Variants in CDH8 observed in about 807,000 individuals in gnomAD.
CDH8 encodes cadherin 8.
In CDH8, 17 loss-of-function variants were observed where a neutral mutation model predicts 68.1. The observed-to-expected ratio is 0.25, with a 90% CI of 0.17 to 0.37. The LOEUF is 0.37. Ranked by LOEUF, CDH8 falls within the 10% of genes least tolerant of loss-of-function variation. The pLI, the probability that CDH8 is intolerant of heterozygous loss-of-function variation, is 1.00. For missense variants in CDH8, 763 were observed against 999.3 expected, an observed-to-expected ratio of 0.76 and a Z score of 3.19; for synonymous variants, 372 against 365.1, an observed-to-expected ratio of 1.02 and a Z score of -0.21.
chr16:61,736,087 A>C (rs1959670306), intron 8 of CDH8, among the ~76,000 whole-genome samples: 1 of 120,476 alleles, frequency 8.3e-6, no homozygotes, highest in Non-Finnish European at 1.6e-5. Flanking sequence ...CAAATGAAAA[A>C]CAAGAAAGAA....
Position 61,768,367 on chromosome 16 carries a change from TCC to T in CDH8, c.1414+20977_1414+20978del, listed in dbSNP as rs1567461154. On this transcript the variant is annotated intron_variant, in intron 8 of 11. Transcript: ENST00000577390. ...CTCTCTCTCTCTCTCTCTCTCTCTCTCCCTTTCTCTCTCTCTCTCTCTCTCTC... is the reference window on the plus strand; with the variant it reads ...CTCTCTCTCTCTCTCTCTCTCTCTCTCTTTCTCTCTCTCTCTCTCTCTCTC... Among the ~76,000 whole-genome samples the T allele has an allele frequency of 1.9e-3, 157 of 80,610 alleles. 1 individual carries two copies. Among genetic ancestry groups the T allele is most frequent in the Non-Finnish European group, 2.3e-3 (95 of 40,880 alleles). 52.9% of individuals were successfully genotyped at this position (80,610 alleles called of 152,430 possible). A position where few individuals can be genotyped will look rare whatever the true frequency, so the allele number is the denominator to read the frequency against.
chr16:61,997,790 T>TACTCACA lies in CDH8; in HGVS notation c.252+23355_252+23361dup, dbSNP rs1449431643. Among the ~76,000 whole-genome samples, 4 of 152,162 alleles carry TACTCACA rather than the reference T, an allele frequency of 2.6e-5. No individual in the cohort carries two copies. The East Asian group carries it at 5.8e-4, about 22-fold the overall frequency. ...TTTGTTAAAAACGCCTAACTTGTAG[T>TACTCACA]ACTCACAAGGGAATATCAGATGCAA... is the stretch of plus-strand genomic sequence containing the variant. On this transcript the variant is annotated intron_variant, in intron 2 of 11. Transcript: ENST00000577390.
chr16:61,700,500 C>G (rs1421621673), intron 10 of CDH8, among the ~76,000 whole-genome samples: 1 of 151,926 alleles, frequency 6.6e-6, no homozygotes, highest in Non-Finnish European at 1.5e-5. Context: ...AGGATGGTCT[C>G]GATCTCTTAA....
intron 2 of CDH8, among the ~76,000 whole-genome samples, chr16:61,986,055 T>C (rs1963090): frequency 0.62 from 94,095 of 150,884 alleles, 29,605 homozygotes; most frequent in East Asian, 0.75. Flanking sequence ...TCCTGAATAG[T>C]TGGGATTACA....
At chr16:61,900,114 AG>A (rs1218677010) in intron 3 of CDH8, among the ~76,000 whole-genome samples, 1 of 152,136 alleles carries the variant, frequency 6.6e-6, no homozygotes, top group African/African-American at 2.4e-5. Flanking sequence ...ACTTGAGAAC[AG>A]GGTTCTTGAT....
rs1217517917 is a variant in CDH8 at position 61,653,392 on chromosome 16, T to C, written c.*216A>G. The C allele has an allele frequency of 7.4e-7, 1 of 1,354,880 alleles. No individual in the cohort carries two copies. The highest frequency in any genetic ancestry group is 2.8e-5 in the East Asian group (1 of 35,938). The allele number at this position is 1,354,880 out of a possible 1,614,324, so 83.9% of individuals were successfully genotyped here. Reference sequence around the variant, plus strand: ...TCCAAGGACTTCTAGACACTCCACATACTTAATTCACACTCCACAAGATTT... The same window carrying C: ...TCCAAGGACTTCTAGACACTCCACACACTTAATTCACACTCCACAAGATTT... On this transcript the variant is annotated 3_prime_UTR_variant, in exon 12 of 12. Transcript: ENST00000577390.
At chr16:61,657,109 C>A (rs1387460759) in intron 10 of CDH8, among the ~76,000 whole-genome samples, 1 of 151,588 alleles carries the variant, frequency 6.6e-6, no homozygotes, top group Admixed American at 6.6e-5. Flanking sequence ...ACAGGGCTAC[C>A]TAATCATTGC....
chr16:61,934,075 C>G (rs1567534556), intron 2 of CDH8: 1 of 151,950 alleles, frequency 6.6e-6, no homozygotes, highest in Non-Finnish European at 1.5e-5. Context: ...AAGATAATAC[C>G]TGAATAAATG....
intron 8 of CDH8, among the ~76,000 whole-genome samples, chr16:61,734,279 G>C (rs1034351753): frequency 6.7e-6 from 1 of 149,668 alleles, no homozygotes; most frequent in African/African-American, 2.4e-5. Flanking sequence ...AGGTGAACTA[G>C]GAAGCATTCC....
intron 2 of CDH8, among the ~76,000 whole-genome samples, chr16:62,003,569 C>G (rs1047549624): frequency 6.6e-6 from 1 of 151,916 alleles, no homozygotes; most frequent in Non-Finnish European, 1.5e-5. Context: ...TTAGATGGCT[C>G]AAAAGAAAGA....
chr16:61,827,307 T>G (rs561247074), intron 4 of CDH8, among the ~76,000 whole-genome samples: 1 of 151,912 alleles, frequency 6.6e-6, no homozygotes, highest in East Asian at 1.9e-4. Flanking sequence ...CACTGGACTT[T>G]GGAATTTGAC....
chr16:61,824,506 T>C (rs529086569), intron 5 of CDH8, among the ~76,000 whole-genome samples: 1 of 152,032 alleles, frequency 6.6e-6, no homozygotes, highest in East Asian at 1.9e-4. Context: ...GAATGCACGC[T>C]GTTGAAATTT....
At chr16:61,676,803 T>C (rs1963921200) in intron 10 of CDH8, among the ~76,000 whole-genome samples, 1 of 152,050 alleles carries the variant, frequency 6.6e-6, no homozygotes, top group Non-Finnish European at 1.5e-5. Context: ...AAAATACTCA[T>C]CAAGATGTAG....
intron 6 of CDH8, among the ~76,000 whole-genome samples, chr16:61,818,318 T>A (rs1201921442): frequency 6.6e-6 from 1 of 152,174 alleles, no homozygotes; most frequent in Admixed American, 6.6e-5. Flanking sequence ...AGGTTTATTA[T>A]TTTTTAGGAC....
intron 4 of CDH8, among the ~76,000 whole-genome samples, chr16:61,850,359 G>A (rs957905418): frequency 1.1e-4 from 16 of 152,010 alleles, no homozygotes; most frequent in African/African-American, 3.4e-4. Context: ...GGGATCTGCC[G>A]CCATGACCCA....
chr16:61,671,719 G>C (rs1425245160), intron 10 of CDH8, among the ~76,000 whole-genome samples: 3 of 151,940 alleles, frequency 2.0e-5, no homozygotes, highest in Non-Finnish European at 4.4e-5. Flanking sequence ...ATGTGCTTTT[G>C]AATCTTAAAA....
chr16:61,953,719 A>T (rs1429176672), intron 2 of CDH8, among the ~76,000 whole-genome samples: 3 of 150,822 alleles, frequency 2.0e-5, no homozygotes, highest in Non-Finnish European at 4.4e-5. Flanking sequence ...AAATACAAAA[A>T]CTAGCCAGGC....
At chr16:61,751,424 C>T (rs1049514232) in intron 8 of CDH8, among the ~76,000 whole-genome samples, 6 of 107,742 alleles carry the variant, frequency 5.6e-5, no homozygotes, top group East Asian at 3.2e-4. Flanking sequence ...AGCAGTTTAA[C>T]GTATTTAAAA....
At chr16:61,747,693 G>A (rs571480186) in intron 8 of CDH8, among the ~76,000 whole-genome samples, 1 of 151,634 alleles carries the variant, frequency 6.6e-6, no homozygotes, top group Non-Finnish European at 1.5e-5. Flanking sequence ...TGTAGGATGG[G>A]AAAACCTTTC....
Sources: allele counts gnomAD v4.1 joint callset (sites outside exome capture counted in the v4.1 genomes callset), GRCh38; gene constraint gnomAD v4.1.1; transcripts MANE v1.5; gene names NCBI Gene and HGNC (gene_info 2026-07-23, HGNC 2026-07-21).